CPS1: variants seen among roughly 807,000 people sequenced by gnomAD.
The protein encoded by CPS1 is carbamoyl-phosphate synthase [ammonia], mitochondrial.
A neutral mutation model predicts 174.6 loss-of-function variants in CPS1; 109 were observed. The ratio of observed to expected loss-of-function variants is 0.62; its 90% CI spans 0.53 to 0.73. The LOEUF (loss-of-function observed/expected upper bound fraction) is 0.73, where lower values mean the gene tolerates loss of function less well. Among genes scored for constraint, CPS1 ranks in the 30% least tolerant of loss-of-function variants. The probability of loss-of-function intolerance (pLI) is 0.00; values close to 1 mark genes in which losing one functional copy is unlikely to be tolerated. For missense variants in CPS1, 1,689 were observed against 1,821.9 expected, an observed-to-expected ratio of 0.93 and a Z score of 1.33; for synonymous variants, 637 against 632.0, an observed-to-expected ratio of 1.01 and a Z score of -0.12.
intron 1 of CPS1, among the ~76,000 whole-genome samples, chr2:210,535,430 C>A (rs1696221330): frequency 6.6e-6 from 1 of 152,156 alleles, no homozygotes; most frequent in Non-Finnish European, 1.5e-5. Flanking sequence ...ACCTCATGAC[C>A]TCATGTTTCA....
At chr2:210,566,010 A>G (rs10203439) in intron 1 of CPS1, among the ~76,000 whole-genome samples, 2 of 152,134 alleles carry the variant, frequency 1.3e-5, no homozygotes, top group East Asian at 1.9e-4. Flanking sequence ...GGCCAACGGG[A>G]TAGGAAGCTG....
Position 210,488,845 on chromosome 2 carries a change from G to A in CPS1, c.3+11079G>A, listed in dbSNP as rs563707590. ...AATTGTATTCCATAGCCAGAAAAAT[G>A]CTAAAGAGGTTAATTTTTTATATTA... On this transcript the variant is annotated intron_variant, in intron 1 of 38. Transcript: ENST00000430249. Among the ~76,000 whole-genome samples, 11 of 152,078 alleles carry A rather than the reference G, an allele frequency of 7.2e-5. 1 individual carries two copies. The highest frequency in any genetic ancestry group is 2.7e-4 in the African/African-American group (11 of 41,490).
chr2:210,555,210 GC>G (rs1414498621), upstream of CPS1, among the ~76,000 whole-genome samples: 1 of 151,866 alleles, frequency 6.6e-6, no homozygotes, highest in East Asian at 1.9e-4. Context: ...TATTGCTCAT[GC>G]CACGGCATCC....
At chr2:210,539,353 A>T (rs759559721) in intron 1 of CPS1, among the ~76,000 whole-genome samples, 1 of 152,186 alleles carries the variant, frequency 6.6e-6, no homozygotes, top group Non-Finnish European at 1.5e-5. Flanking sequence ...GTTTTGTAAT[A>T]ATCTCTATTG....
chr2:210,559,207 G>A (rs1008862819), intron 1 of CPS1, among the ~76,000 whole-genome samples: 2 of 151,968 alleles, frequency 1.3e-5, no homozygotes, highest in African/African-American at 4.8e-5. Context: ...GTCAGTGAAG[G>A]GCACTGAGAA....
intron 1 of CPS1, among the ~76,000 whole-genome samples, chr2:210,495,724 T>G (rs903180298): frequency 1.3e-5 from 2 of 152,174 alleles, no homozygotes; most frequent in Non-Finnish European, 2.9e-5. Flanking sequence ...CCAAATTAGG[T>G]GTAAAGTTTT....
At position 210,576,396 on chromosome 2, in the gene CPS1, T is replaced by C. The variant is rs1697713525; in HGVS notation, c.287T>C (p.Met96Thr). Residue 96 changes from methionine to threonine, a missense_variant, in exon 3 of 38, where the codon ATG (methionine) becomes ACG (threonine). Physicochemically the swap from Met to Thr is moderately conservative, Grantham distance 81. Coordinates refer to ENST00000233072, the MANE Select transcript of CPS1 (RefSeq NM_001875.5). ...GCCTACAAAGGACAGATTCTCACAA[T>C]GGCCAACCCTATTATTGGGAATGGT... ...DPAYKGQILT[M>T]ANPIIGNGGA... The C allele has an allele frequency of 3.7e-6, 6 of 1,613,804 alleles. No individual in the cohort carries two copies. Among genetic ancestry groups the C allele is most frequent in the Non-Finnish European group, 4.2e-6 (5 of 1,179,760 alleles).
intron 1 of CPS1, among the ~76,000 whole-genome samples, chr2:210,532,474 A>G (rs1466617715): frequency 2.0e-5 from 3 of 152,114 alleles, no homozygotes; most frequent in Non-Finnish European, 2.9e-5. Context: ...GTAACTGCAG[A>G]TTTTTCTGTT....
chr2:210,489,093 G>T (rs118035194), intron 1 of CPS1, among the ~76,000 whole-genome samples: 1 of 152,086 alleles, frequency 6.6e-6, no homozygotes, highest in Non-Finnish European at 1.5e-5. Flanking sequence ...AAACTATTTG[G>T]TCTACCTGCA....
chr2:210,536,119 C>A (rs1414181551), intron 1 of CPS1, among the ~76,000 whole-genome samples: 1 of 152,060 alleles, frequency 6.6e-6, no homozygotes, highest in Non-Finnish European at 1.5e-5. Flanking sequence ...ACTTATCATA[C>A]ATGTATTAAG....
chr2:210,596,832 A>G (rs977672279), intron 13 of CPS1, among the ~76,000 whole-genome samples: 3 of 151,884 alleles, frequency 2.0e-5, no homozygotes, highest in Admixed American at 1.3e-4. Flanking sequence ...AATGTGTTTT[A>G]CATCAATTGG....
rs767317437 is a variant in CPS1, at chr2:210,564,598, G to A, written c.126+7739G>A. On this transcript the variant is annotated intron_variant, in intron 1 of 37. Transcript: ENST00000233072. ...TCACCGTGTTAGCCAGGATGGTCTC[G>A]ATCTCCTGACCTTGTGATCCGCCCG... Among the ~76,000 whole-genome samples, 312 of 152,048 alleles carry A rather than the reference G, an allele frequency of 2.1e-3. 3 individuals are homozygous for A. Among genetic ancestry groups the A allele is most frequent in the Non-Finnish European group, 2.3e-3 (156 of 67,882 alleles).
chr2:210,670,775 TACTCCTTTACACATACAG>T (rs1177687215), intron 34 of CPS1, among the ~76,000 whole-genome samples: 1 of 152,166 alleles, frequency 6.6e-6, no homozygotes, highest in Non-Finnish European at 1.5e-5. Flanking sequence ...TTTCCCACCC[TACTCCTTTACACATACAG>T]ACTCTCTGTT....
intron 1 of CPS1, among the ~76,000 whole-genome samples, chr2:210,496,646 A>G (rs531603444): frequency 2.2e-4 from 34 of 152,184 alleles, no homozygotes; most frequent in African/African-American, 7.9e-4. Flanking sequence ...GAGAAGTGAC[A>G]TAACCTACAT....
chr2:210,508,385 A>G (rs1574477648), intron 1 of CPS1, among the ~76,000 whole-genome samples: 2 of 151,912 alleles, frequency 1.3e-5, no homozygotes, highest in East Asian at 3.9e-4. Flanking sequence ...AGCAGTGTGT[A>G]GAGGGAAATT....
chr2:210,558,067 G>C (rs1023070238), intron 1 of CPS1, among the ~76,000 whole-genome samples: 3 of 151,772 alleles, frequency 2.0e-5, no homozygotes, highest in Non-Finnish European at 4.4e-5. Context: ...ACTAGCTCAA[G>C]ATCCCAGGAG....
At chr2:210,483,722 A>G (rs2105943084) in intron 1 of CPS1, among the ~76,000 whole-genome samples, 1 of 152,364 alleles carries the variant, frequency 6.6e-6, no homozygotes, top group South Asian at 2.1e-4. Flanking sequence ...TTAGGAACAC[A>G]GTTCAAATAA....
At chr2:210,669,171 A>G (rs1701208470) in intron 34 of CPS1, among the ~76,000 whole-genome samples, 1 of 152,192 alleles carries the variant, frequency 6.6e-6, no homozygotes, top group Admixed American at 6.5e-5. Flanking sequence ...TAAGTTAAAT[A>G]TAAATCTTAG....
chr2:210,579,524 G>A (rs1390521440), intron 4 of CPS1, among the ~76,000 whole-genome samples, 190 bp from the exon 5 acceptor site: 1 of 152,134 alleles, frequency 6.6e-6, no homozygotes, highest in Non-Finnish European at 1.5e-5. Flanking sequence ...GGTATTAAGA[G>A]TCCTATGCCT....
Sources: gnomAD v4.1 joint callset for allele counts (sites outside exome capture counted in the v4.1 genomes callset) on GRCh38, gnomAD v4.1.1 for gene constraint, MANE v1.5 for transcripts, NCBI Gene and HGNC (gene_info 2026-07-23, HGNC 2026-07-21) for gene names.